Variants in CCKBR observed in about 807,000 individuals in gnomAD.
CCKBR encodes the protein cholecystokinin B receptor.
Under a neutral mutation model 34.6 loss-of-function variants are expected in CCKBR, and 33 were observed. The ratio of observed to expected loss-of-function variants is 0.95; its 90% CI spans 0.72 to 1.27. CCKBR has a LOEUF of 1.27. CCKBR is among the 50% of genes most tolerant of loss of function. CCKBR has a pLI of 0.00. For missense variants in CCKBR, 652 were observed against 617.4 expected (o/e 1.06, Z -0.59); for synonymous variants, 269 against 267.5 (o/e 1.01, Z -0.06).
Position 6,271,511 on chromosome 11 carries a change from T to C in CCKBR, c.1312T>C (p.Tyr438His). The change falls in exon 5 of 5, where the codon TAC becomes CAC. Residue 438 changes from tyrosine (Y) to histidine (H), a missense_variant. Physicochemically the swap from Tyr to His is moderately conservative, Grantham distance 83. Coordinates refer to ENST00000334619, the MANE Select transcript of CCKBR (RefSeq NM_176875.4). The part of the protein sequence containing the change: ...PSIASLSRLS[Y>H]TTISTLGPG The stretch of plus-strand genomic sequence containing the variant: ...CATTGCTTCGCTGTCCAGGCTTAGC[T>C]ACACCACCATCAGCACACTGGGCCC... 2 of 1,606,088 alleles carry C rather than the reference T, an allele frequency of 1.2e-6. No individual in the cohort carries two copies. Among genetic ancestry groups the C allele is most frequent in the Non-Finnish European group, 1.7e-6 (2 of 1,176,616 alleles).
At chr11:6,262,811 G>A (rs997233250) in intron 1 of CCKBR, among the ~76,000 whole-genome samples, 9 of 152,192 alleles carry the variant, frequency 5.9e-5, no homozygotes, top group African/African-American at 1.4e-4. Context: ...GTGTGTGCGC[G>A]TGTGTGTGCA....
chr11:6,266,011 C>T (rs1424779674), intron 1 of CCKBR, among the ~76,000 whole-genome samples: 1 of 152,144 alleles, frequency 6.6e-6, no homozygotes, highest in Admixed American at 6.5e-5. Context: ...ACTGCCTCCC[C>T]TGTGCTAGGG....
Position 6,269,988 on chromosome 11 carries a change from G to A in CCKBR, c.403+68G>A, listed in dbSNP as rs541507223. On this transcript the variant is annotated intron_variant, in intron 2 of 4. Transcript: ENST00000334619. ...GCCTAAAGCTCTTGTGGATGTAGGGGTCTTCCCCGGTTGGCAGGGAGGGGT... is the reference window on the plus strand; with the variant it reads ...GCCTAAAGCTCTTGTGGATGTAGGGATCTTCCCCGGTTGGCAGGGAGGGGT... The A allele has an allele frequency of 3.0e-5, 48 of 1,598,664 alleles. No homozygotes were observed. In the African/African-American group the frequency reaches 6.0e-4, roughly 20 times the overall value.
rs200726124 is a variant in CCKBR, at chr11:6,271,645, C to T, written c.*102C>T. 1.1e-4 allele frequency: 126 copies of T among 1,195,916 alleles called. No individual in the cohort carries two copies. Among genetic ancestry groups the T allele is most frequent in the Non-Finnish European group, 1.3e-4 (110 of 872,660 alleles). 74.1% of individuals were successfully genotyped at this position (1,195,916 alleles called of 1,614,324 possible). ...ACAACTGACACAGGAAACCAACACC[C>T]AAAGCATGGACTAACCCCAACGCAC... is the stretch of plus-strand genomic sequence containing the variant. On this transcript the variant is annotated 3_prime_UTR_variant, in exon 5 of 5. Coordinates refer to ENST00000334619, the MANE Select transcript of CCKBR (RefSeq NM_176875.4).
intron 1 of CCKBR, among the ~76,000 whole-genome samples, chr11:6,267,978 A>G (rs1057441390): frequency 2.6e-5 from 4 of 152,110 alleles, no homozygotes; most frequent in African/African-American, 4.8e-5. Context: ...CTGAGTAGCT[A>G]TGACTATAGG....
rs139439863 is a variant in CCKBR at position 6,265,266 on chromosome 11, T to C, written c.152-4403T>C. On this transcript the variant is annotated intron_variant, in intron 1 of 4. Transcript: ENST00000334619. Reference sequence around the variant, plus strand: ...CAGCAGAACACTGCACAGTTGCTGGTCATTTTTACTGGGACTTTGTCTTAT... The same window carrying C: ...CAGCAGAACACTGCACAGTTGCTGGCCATTTTTACTGGGACTTTGTCTTAT... Among the ~76,000 whole-genome samples, 326 of 152,338 alleles carry C rather than the reference T, an allele frequency of 2.1e-3. 1 individual carries two copies. Among genetic ancestry groups the C allele is most frequent in the Non-Finnish European group, 3.7e-3 (250 of 68,026 alleles).
rs1315626149 is a variant in CCKBR, at chr11:6,270,647, T to A, written c.655T>A (p.Ser219Thr). The A allele has an allele frequency of 1.2e-6, 2 of 1,604,766 alleles. No individual in the cohort carries two copies. The highest frequency in any genetic ancestry group is 1.7e-6 in the Non-Finnish European group (2 of 1,173,314). ...WPSARVRQTWSVLLLLLLFFI... is the reference protein window; with the variant it reads ...WPSARVRQTWTVLLLLLLFFI... ...GTGATCTGTCTGTGTTGCCTTCAGG[T>A]CCGTACTGCTGCTTCTGCTCTTGTT... The change falls in exon 4 of 5, where the codon TCC (serine) becomes ACC (threonine). Residue 219 changes from serine (S) to threonine (T), a missense_variant and splice_region_variant. Ser to Thr is a moderately conservative substitution (Grantham distance 58, BLOSUM62 1). Coordinates refer to ENST00000334619, the MANE Select transcript of CCKBR (RefSeq NM_176875.4).
intron 1 of CCKBR, among the ~76,000 whole-genome samples, chr11:6,262,713 AGAGAGAGAG>A (rs1564885189): frequency 1.4e-4 from 20 of 143,640 alleles, no homozygotes; most frequent in Non-Finnish European, 1.4e-4. Context: ...AGAGAGAGAG[AGAGAGAGAG>A]AGAAAGAAAA....
intron 1 of CCKBR, among the ~76,000 whole-genome samples, chr11:6,267,356 GAA>G (rs56249698): frequency 0.52 from 76,726 of 146,848 alleles, 20,102 homozygotes; most frequent in East Asian, 0.78. Flanking sequence ...TTTAACTTTA[GAA>G]AAAAAAAAAA....
chr11:6,264,442 T>A lies in CCKBR; in HGVS notation c.151+4363T>A. The A allele has an allele frequency of 6.4e-6, 4 of 629,570 alleles. No individual in the cohort carries two copies. In the East Asian group the frequency reaches 1.2e-4, roughly 18 times the overall value. The allele number at this position is 629,570 out of a possible 1,614,324, so 39.0% of individuals were successfully genotyped here. On this transcript the variant is annotated intron_variant, in intron 1 of 4. Transcript: ENST00000334619. ...TCATTTTATGTCACGTTGTCTGGAT[T>A]TTTGCACTCATACTTCTCTGCCATT... is the stretch of plus-strand genomic sequence containing the variant.
rs1335250143 is a variant in CCKBR at position 6,260,052 on chromosome 11, C to T, written c.124C>T (p.Pro42Ser). The change falls in exon 1 of 5, where the codon CCT becomes TCT. Residue 42 changes from proline (P) to serine (S), a missense_variant. Transcript: ENST00000334619. ...SSVGNLSCEPPRIRGAGTREL... is the reference protein window; with the variant it reads ...SSVGNLSCEPSRIRGAGTREL... Reference sequence around the variant, plus strand: ...TGTGGGCAACCTCAGCTGCGAGCCCCCTCGCATTCGCGGAGCCGGGACACG... The same window carrying T: ...TGTGGGCAACCTCAGCTGCGAGCCCTCTCGCATTCGCGGAGCCGGGACACG... 15 of 1,595,588 alleles carry T rather than the reference C, an allele frequency of 9.4e-6. No homozygotes were observed. Among genetic ancestry groups the T allele is most frequent in the East Asian group, 2.3e-5 (1 of 42,838 alleles).
At position 6,271,015 on chromosome 11, in the gene CCKBR, T is replaced by G; in HGVS notation, c.816T>G (p.Ala272=). The G allele has an allele frequency of 6.2e-7, 1 of 1,614,184 alleles. No individual in the cohort carries two copies. Among genetic ancestry groups the G allele is most frequent in the Non-Finnish European group, 8.5e-7 (1 of 1,180,026 alleles). Residue 272 remains alanine, a synonymous_variant, in exon 5 of 5, where the codon GCT becomes GCG. Transcript: ENST00000334619. ...CCGCCCACCCTTTGTGCTCAGGGGC[T>G]GTTCACCAGAACGGGCGTTGCCGGC... The part of the protein sequence containing the change: ...RVRNQGGLPG[A]VHQNGRCRPE...
Position 6,270,734 on chromosome 11 carries a change from GGGCTTCGCTTTGAC to G in CCKBR, c.746_759del (p.Leu249ArgfsTer3), listed in dbSNP as rs1443720504. Reference sequence around the variant, plus strand: ...GCTTATCTCTCGCGAGCTCTACTTAGGGCTTCGCTTTGACGGCGACAGTGACAGCGACAGCCAAA... The same window carrying G: ...GCTTATCTCTCGCGAGCTCTACTTAGGGCGACAGTGACAGCGACAGCCAAA... On this transcript the variant is annotated frameshift_variant, in exon 4 of 5. Transcript: ENST00000334619. LOFTEE classifies it high-confidence loss of function. 6.2e-7 allele frequency: 1 copy of G among 1,614,096 alleles called. No homozygotes were observed. Among genetic ancestry groups the G allele is most frequent in the African/African-American group, 1.3e-5 (1 of 74,950 alleles).
chr11:6,270,864 CT>C (rs746772571), intron 4 of CCKBR, 61 bp downstream of exon 4: 1 of 1,612,876 alleles, frequency 6.2e-7, no homozygotes, highest in South Asian at 1.1e-5. Flanking sequence ...GCGACGGGGC[CT>C]GCTGGAGTGG....
chr11:6,261,981 AG>A (rs1246765858), intron 1 of CCKBR, among the ~76,000 whole-genome samples: 1 of 152,220 alleles, frequency 6.6e-6, no homozygotes, highest in Non-Finnish European at 1.5e-5. Context: ...AGAAGCAGAG[AG>A]GATGGAAGAG....
chr11:6,270,964 C>A, intron 4 of CCKBR, 47 bp from the exon 5 acceptor site: 1 of 1,612,930 alleles, frequency 6.2e-7, no homozygotes, highest in African/African-American at 1.3e-5. Context: ...GGGCTGGAGA[C>A]TGGGGGGACT....
At chr11:6,261,502 T>C (rs920729653) in intron 1 of CCKBR, among the ~76,000 whole-genome samples, 5 of 124,664 alleles carry the variant, frequency 4.0e-5, no homozygotes, top group Admixed American at 9.2e-5. Context: ...CACACACATA[T>C]ACATATGGGA....
In CCKBR at chr11:6,271,758, T is replaced by C. The variant is rs1384617264; in HGVS notation, c.*215T>C. On this transcript the variant is annotated 3_prime_UTR_variant, in exon 5 of 5. Transcript: ENST00000334619. ...CATGCCTCTGATATGGGACTGAGCCTGGCCCATAGAAACATGACACTGACC... is the reference window on the plus strand; with the variant it reads ...CATGCCTCTGATATGGGACTGAGCCCGGCCCATAGAAACATGACACTGACC... 1.1e-5 allele frequency: 6 copies of C among 534,458 alleles called. No individual in the cohort carries two copies. The highest frequency in any genetic ancestry group is 2.0e-5 in the Non-Finnish European group (6 of 306,024). 33.1% of individuals were successfully genotyped at this position (534,458 alleles called of 1,614,324 possible).
At chr11:6,267,488 C>G (rs1418292362) in intron 1 of CCKBR, among the ~76,000 whole-genome samples, 1 of 152,180 alleles carries the variant, frequency 6.6e-6, no homozygotes, top group African/African-American at 2.4e-5. Context: ...CAACACCACA[C>G]ATGGAGCTGT....
Sources: gnomAD v4.1 joint callset for allele counts (sites outside exome capture counted in the v4.1 genomes callset) on GRCh38, gnomAD v4.1.1 for gene constraint, MANE v1.5 for transcripts, NCBI Gene and HGNC (gene_info 2026-07-23, HGNC 2026-07-21) for gene names.